SFXN5: variants seen among roughly 807,000 people sequenced by gnomAD.
SFXN5 encodes the protein sideroflexin-5.
A neutral mutation model predicts 50.2 loss-of-function variants in SFXN5; 43 were observed. The ratio of observed to expected loss-of-function variants is 0.86; its 90% CI spans 0.67 to 1.11. The LOEUF (loss-of-function observed/expected upper bound fraction) is 1.11. SFXN5 is among the 50% of genes least tolerant of loss of function. SFXN5 has a pLI of 0.00. For missense variants in SFXN5, 463 were observed against 454.1 expected (o/e 1.02, Z -0.18); for synonymous variants, 203 against 185.8 (o/e 1.09, Z -0.75).
chr2:72,956,725 A>G (rs1223844914), intron 13 of SFXN5, among the ~76,000 whole-genome samples: 1 of 151,490 alleles, frequency 6.6e-6, no homozygotes, highest in Non-Finnish European at 1.5e-5. Flanking sequence ...AGCCCCCTCT[A>G]CTCACTGGAC....
At chr2:73,041,898 A>G (rs113935456) in intron 2 of SFXN5, among the ~76,000 whole-genome samples, 1,619 of 152,170 alleles carry the variant, frequency 0.011, 13 homozygotes, top group Non-Finnish European at 0.017. Context: ...GGGGTTTTGC[A>G]TTGTTGCTCA....
intron 6 of SFXN5, among the ~76,000 whole-genome samples, chr2:73,005,360 G>A (rs559308636): frequency 1.1e-3 from 161 of 152,314 alleles, no homozygotes; most frequent in African/African-American, 3.5e-3. Flanking sequence ...TCCTACCATG[G>A]ACCTAGTGAT....
At chr2:73,023,115 G>C in intron 4 of SFXN5, 73 bp downstream of exon 4, 1 of 1,496,730 alleles carries the variant, frequency 6.7e-7, no homozygotes, top group South Asian at 1.2e-5. Flanking sequence ...GCTTCCACTA[G>C]ATCCCTGGGA....
chr2:72,989,458 C>G (rs1397157414), intron 9 of SFXN5, among the ~76,000 whole-genome samples: 1 of 152,098 alleles, frequency 6.6e-6, no homozygotes, highest in African/African-American at 2.4e-5. Context: ...TGGGTGTGAG[C>G]TTGGCATATA....
chr2:73,067,977 A>C (rs1683296303), intron 1 of SFXN5, among the ~76,000 whole-genome samples: 1 of 152,188 alleles, frequency 6.6e-6, no homozygotes, highest in African/African-American at 2.4e-5. Flanking sequence ...ATACACAAAA[A>C]GGCTGGAATG....
chr2:73,028,185 C>G (rs1677837984), intron 3 of SFXN5, among the ~76,000 whole-genome samples: 1 of 152,194 alleles, frequency 6.6e-6, no homozygotes, highest in African/African-American at 2.4e-5. Context: ...ATGACAAAAT[C>G]ACCTAATGTC....
At chr2:72,982,162 C>G (rs1671386945) in intron 10 of SFXN5, among the ~76,000 whole-genome samples, 1 of 152,090 alleles carries the variant, frequency 6.6e-6, no homozygotes, top group African/African-American at 2.4e-5. Context: ...ATGTTCAATC[C>G]CCATGAAAAC....
intron 13 of SFXN5, among the ~76,000 whole-genome samples, chr2:72,947,370 G>A (rs982140870): frequency 6.6e-6 from 1 of 152,234 alleles, no homozygotes; most frequent in Non-Finnish European, 1.5e-5. Context: ...TCCAGGGACT[G>A]AGCCCGTGGG....
In SFXN5 at chr2:72,970,169, G is replaced by A. The variant is rs75323158; in HGVS notation, c.741+1401C>T. On this transcript the variant is annotated intron_variant, in intron 11 of 13. Transcript: ENST00000272433. ...TCAGGGGGGCTGGGGAAAAGAACAG[G>A]GCTGGAATGGGAGGTTGGGGACAGG... Among the ~76,000 whole-genome samples the A allele has an allele frequency of 4.6e-3, 707 of 152,332 alleles. 10 individuals carry two copies. Among genetic ancestry groups the A allele is most frequent in the African/African-American group, 0.016 (665 of 41,584 alleles).
intron 2 of SFXN5, among the ~76,000 whole-genome samples, chr2:73,051,794 T>C (rs966934474): frequency 2.0e-5 from 3 of 152,198 alleles, no homozygotes; most frequent in East Asian, 1.9e-4. Context: ...GCATTCAGTG[T>C]CTGGTGAGGT....
At chr2:72,997,733 G>T (rs140776072) in intron 9 of SFXN5, 2 of 152,160 alleles carry the variant, frequency 1.3e-5, no homozygotes, top group African/African-American at 4.8e-5. Flanking sequence ...AGGATTACAG[G>T]TGCCCACCAC....
chr2:73,058,717 G>T, intron 1 of SFXN5, 121 bp from the exon 2 acceptor site: 1 of 840,688 alleles, frequency 1.2e-6, no homozygotes, highest in Non-Finnish European at 1.9e-6. Context: ...CCTCGTGTGG[G>T]TGATAAATGC....
intron 13 of SFXN5, chr2:72,957,150 C>A: frequency 2.2e-6 from 1 of 448,258 alleles, no homozygotes. Flanking sequence ...CCCCCCCATA[C>A]ACTGAAGGTT....
At chr2:73,003,997 T>A (rs995006440) in intron 6 of SFXN5, among the ~76,000 whole-genome samples, 1 of 152,220 alleles carries the variant, frequency 6.6e-6, no homozygotes, top group Non-Finnish European at 1.5e-5. Context: ...ATTTCACTTA[T>A]CATAATCCTC....
At position 73,020,246 on chromosome 2, in the gene SFXN5, G is replaced by T. The variant is rs770908414; in HGVS notation, c.350C>A (p.Thr117Lys). The change falls in exon 6 of 14, where the codon ACG (threonine) becomes AAG (lysine). Residue 117 changes from threonine to lysine, a missense_variant. Thr to Lys is a moderately conservative substitution (Grantham distance 78, BLOSUM62 -1). Coordinates refer to ENST00000272433, the MANE Select transcript of SFXN5 (RefSeq NM_144579.3). ...TTTGAAGGTAACACTTACAATTGGCGTCCCAAAAGGAATATAACCTGTGAA... is the reference window on the plus strand; with the variant it reads ...TTTGAAGGTAACACTTACAATTGGCTTCCCAAAAGGAATATAACCTGTGAA... ...FRMSGYIPFG[T>K]PIVVGLLLPN... The T allele has an allele frequency of 6.2e-7, 1 of 1,613,744 alleles. No homozygotes were observed. Among genetic ancestry groups the T allele is most frequent in the African/African-American group, 1.3e-5 (1 of 74,900 alleles).
chr2:73,045,748 T>C (rs966017100), intron 2 of SFXN5, among the ~76,000 whole-genome samples: 14 of 152,072 alleles, frequency 9.2e-5, no homozygotes, highest in African/African-American at 3.4e-4. Context: ...GTAATGGTTA[T>C]GTGCAGGCAA....
intron 1 of SFXN5, among the ~76,000 whole-genome samples, chr2:73,063,317 G>A (rs1298922501): frequency 2.6e-5 from 4 of 152,110 alleles, no homozygotes; most frequent in African/African-American, 9.7e-5. Flanking sequence ...GTCTGACCAA[G>A]TCAGATTTAC....
In SFXN5 at chr2:72,961,221, C is replaced by G. The variant is rs370181362; in HGVS notation, c.855G>C (p.Arg285=). 113 of 1,538,998 alleles carry G rather than the reference C, an allele frequency of 7.3e-5. No individual in the cohort carries two copies. The highest frequency in any genetic ancestry group is 9.5e-5 in the Non-Finnish European group (109 of 1,149,610). ...EKTALLQARP[R]LLLPVQSLVC... The stretch of plus-strand genomic sequence containing the variant: ...CGAGGCTTTGCACAGGGAGGAGCAG[C>G]CGGGGGCGTGCCTGCAGGAGAGCCG... The change falls in exon 13 of 14, where the codon CGG becomes CGC. Residue 285 remains arginine (R), a synonymous_variant. Transcript: ENST00000272433. The surrounding 1 kb of genome is among the most constrained non-coding windows in gnomAD (Gnocchi z 4.4).
chr2:72,999,029 C>T lies in SFXN5; in HGVS notation c.469-15G>A. On this transcript the variant is annotated splice_polypyrimidine_tract_variant and intron_variant, in intron 8 of 13. Coordinates refer to ENST00000272433, the MANE Select transcript of SFXN5 (RefSeq NM_144579.3). ...GCAGGTGAAGGCTGGAAAACAGAGG[C>T]AGAATTTCAGGCCTGCTGGGTGCCC... 6.2e-7 allele frequency: 1 copy of T among 1,613,938 alleles called. No homozygotes were observed. The highest frequency in any genetic ancestry group is 2.2e-5 in the East Asian group (1 of 44,884).
Sources: allele counts gnomAD v4.1 joint callset (sites outside exome capture counted in the v4.1 genomes callset), GRCh38; gene constraint gnomAD v4.1.1; non-coding constraint Gnocchi (gnomAD v3.1); transcripts MANE v1.5; gene names NCBI Gene and HGNC (gene_info 2026-07-23, HGNC 2026-07-21).